Variants in KDM6A observed in about 807,000 individuals in gnomAD.
The protein encoded by KDM6A is lysine demethylase 6A.
Under a neutral mutation model 117.6 loss-of-function variants are expected in KDM6A, and 11 were observed. The observed-to-expected ratio is 0.09, with a 90% CI of 0.06 to 0.15. The LOEUF (loss-of-function observed/expected upper bound fraction) is 0.15. Ranked by LOEUF, KDM6A falls within the 10% of genes least tolerant of loss-of-function variation. The pLI is 1.00. For synonymous variants in KDM6A, 384 were observed against 396.1 expected (o/e 0.97, Z 0.36); for missense variants, 799 against 1,077.3 (o/e 0.74, Z 3.62).
At chrX:45,056,000 A>G (rs1222895203) in intron 10 of KDM6A, among the ~76,000 whole-genome samples, 4 of 103,955 alleles carry the variant, frequency 3.8e-5, no homozygotes, top group African/African-American at 1.6e-4. Flanking sequence ...TATTTCAGTG[A>G]GCAGTATTTT....
Position 45,112,435 on chromosome X carries a change from CTA to C in KDM6A, c.*1026_*1027del. The C allele has an allele frequency of 7.4e-6, 1 of 135,711 alleles. No homozygotes were observed. Among genetic ancestry groups the C allele is most frequent in the South Asian group, 3.5e-4 (1 of 2,825 alleles). The allele number at this position is 135,711 out of a possible 1,213,427, so 11.2% of individuals were successfully genotyped here. A position where few individuals can be genotyped will look rare whatever the true frequency, so the allele number is the denominator to read the frequency against. ...ATTTTTCTCGTTTTAAGTTTCACAT[CTA>C]TGGTAGATTTTTGAGGTGTCTACTG... On this transcript the variant is annotated 3_prime_UTR_variant, in exon 30 of 30. Coordinates refer to ENST00000611820, the MANE Select transcript of KDM6A (RefSeq NM_001291415.2).
intron 2 of KDM6A, among the ~76,000 whole-genome samples, chrX:44,942,853 G>A (rs1194635677): frequency 2.7e-5 from 3 of 109,934 alleles, no homozygotes; most frequent in Non-Finnish European, 5.7e-5. Flanking sequence ...CTAGTATATT[G>A]GAATATAATT....
At chrX:44,918,347 A>ATT (rs1010081019) in intron 2 of KDM6A, among the ~76,000 whole-genome samples, 1 of 110,682 alleles carries the variant, frequency 9.0e-6, no homozygotes, top group Non-Finnish European at 1.9e-5. Flanking sequence ...TCACCTATAG[A>ATT]TTTTTTTCCA....
chrX:44,977,591 C>T (rs987722827), intron 4 of KDM6A, among the ~76,000 whole-genome samples: 10 of 111,231 alleles, frequency 9.0e-5, no homozygotes, highest in Admixed American at 5.7e-4. Context: ...GTTAGTGATT[C>T]TTTAGTATAG....
At chrX:45,102,756 TC>T (rs749388527) in intron 27 of KDM6A, among the ~76,000 whole-genome samples, 2 of 112,020 alleles carry the variant, frequency 1.8e-5, no homozygotes, top group Admixed American at 1.9e-4. Context: ...CATGCTTTTT[TC>T]CCCCCATCTA....
intron 21 of KDM6A, 152 bp downstream of exon 21, chrX:45,079,503 A>ATGTG (rs2045295575): frequency 3.2e-6 from 1 of 308,885 alleles, no homozygotes; most frequent in Non-Finnish European, 5.2e-6. Flanking sequence ...GTATGTATAT[A>ATGTG]TGTATGTATG....
intron 2 of KDM6A, among the ~76,000 whole-genome samples, chrX:44,899,004 GGTGTGTGTGTGTGT>G (rs745714866): frequency 2.5e-5 from 2 of 79,642 alleles, no homozygotes; most frequent in Admixed American, 1.3e-4. Flanking sequence ...GGAGAGGGAG[GGTGTGTGTGTGTGT>G]GTGTGTGTGT....
chrX:44,934,972 C>T (rs1307159983), intron 2 of KDM6A, among the ~76,000 whole-genome samples: 1 of 111,355 alleles, frequency 9.0e-6, no homozygotes, highest in Non-Finnish European at 1.9e-5. Context: ...TAAGGGTGTT[C>T]GGTAGTGTTA....
intron 25 of KDM6A, among the ~76,000 whole-genome samples, chrX:45,088,104 T>C (rs2045725939): frequency 9.0e-6 from 1 of 111,516 alleles, no homozygotes; most frequent in African/African-American, 3.3e-5. Flanking sequence ...GATAAAAAGT[T>C]TTCTCTAATT....
chrX:45,014,590 A>G (rs1470783986), intron 5 of KDM6A, among the ~76,000 whole-genome samples: 2 of 112,045 alleles, frequency 1.8e-5, no homozygotes, highest in Non-Finnish European at 3.8e-5. Context: ...ACTTGTTCTT[A>G]TTCATTAAGG....
chrX:45,050,804 T>G (rs1289366119), intron 8 of KDM6A, among the ~76,000 whole-genome samples: 2 of 111,161 alleles, frequency 1.8e-5, no homozygotes, highest in African/African-American at 6.5e-5. Context: ...TGTGGCTAAA[T>G]GGTTTCATTT....
chrX:44,984,207 T>G (rs1359836701), intron 4 of KDM6A, among the ~76,000 whole-genome samples: 1 of 110,865 alleles, frequency 9.0e-6, no homozygotes, highest in Admixed American at 9.5e-5. Flanking sequence ...CATAAATGTC[T>G]TCTTTTGAGA....
At chrX:44,941,440 C>T (rs2037311532) in intron 2 of KDM6A, among the ~76,000 whole-genome samples, 1 of 109,342 alleles carries the variant, frequency 9.1e-6, no homozygotes, top group Non-Finnish European at 1.9e-5. Context: ...GAGCCTTTAC[C>T]CCTCCCCTCT....
chrX:44,926,102 A>C (rs1602221376), intron 2 of KDM6A, among the ~76,000 whole-genome samples: 1 of 86,659 alleles, frequency 1.2e-5, no homozygotes, highest in Non-Finnish European at 2.2e-5. Flanking sequence ...GCAGAGTCTC[A>C]CTCTGTTGCC....
intron 6 of KDM6A, among the ~76,000 whole-genome samples, chrX:45,027,980 G>C (rs1356418477): frequency 9.2e-6 from 1 of 109,289 alleles, no homozygotes; most frequent in Non-Finnish European, 1.9e-5. Context: ...TTTTAGTAGA[G>C]ATGGGGTTTC....
chrX:45,063,728 C>T lies in KDM6A; in HGVS notation c.1990C>T (p.Arg664Ter), dbSNP rs2044403163. ...TAATGGAAACGTGCCTTACCTGCAG[C>T]GAAACGCACTCACTCTACCTCATAA... is the stretch of plus-strand genomic sequence containing the variant. ...GSNGNVPYLQ[R>*]NALTLPHNRT... The change falls in exon 17 of 30, where the codon CGA (arginine) becomes TGA (stop). Residue 664 changes from arginine to a stop codon, truncating the protein, a stop_gained. Transcript: ENST00000611820. LOFTEE classifies it high-confidence loss of function. 8.3e-7 allele frequency: 1 copy of T among 1,206,861 alleles called. No individual in the cohort carries two copies. The highest frequency in any genetic ancestry group is 1.1e-6 in the Non-Finnish European group (1 of 892,402).
intron 18 of KDM6A, among the ~76,000 whole-genome samples, chrX:45,070,619 A>G (rs1440332859): frequency 9.0e-6 from 1 of 110,728 alleles, no homozygotes; most frequent in Non-Finnish European, 1.9e-5. Context: ...TGTCAGCTTC[A>G]GTGTGATTGA....
At chrX:44,894,125 T>C (rs1427842938) in intron 2 of KDM6A, among the ~76,000 whole-genome samples, 2 of 111,705 alleles carry the variant, frequency 1.8e-5, no homozygotes, top group African/African-American at 3.3e-5. Flanking sequence ...ATGAGTATGC[T>C]AGTATTTTGT....
intron 28 of KDM6A, among the ~76,000 whole-genome samples, chrX:45,107,754 A>G (rs1181567077): frequency 8.9e-6 from 1 of 112,089 alleles, no homozygotes; most frequent in Non-Finnish European, 1.9e-5. Context: ...TCTACTGCAG[A>G]GTCATTTTTG....
Sources: allele counts gnomAD v4.1 joint callset (sites outside exome capture counted in the v4.1 genomes callset), GRCh38; gene constraint gnomAD v4.1.1; transcripts MANE v1.5; gene names NCBI Gene and HGNC (gene_info 2026-07-23, HGNC 2026-07-21).